Variants in NUP98 observed in about 807,000 individuals in gnomAD.
The protein encoded by NUP98 is nucleoporin 98 and 96 precursor, also known as nuclear pore complex protein Nup98-Nup96.
Under a neutral mutation model 191.9 loss-of-function variants are expected in NUP98, and 26 were observed. That is an observed-to-expected ratio of 0.14 (90% CI 0.10 to 0.19). The LOEUF is 0.19. Among genes scored for constraint, NUP98 ranks in the 10% least tolerant of loss-of-function variants. The probability of loss-of-function intolerance (pLI) is 1.00; values close to 1 mark genes in which losing one functional copy is unlikely to be tolerated. For missense variants in NUP98, 1,941 were observed against 2,178.8 expected (o/e 0.89, Z 2.17); for synonymous variants, 808 against 778.4 (o/e 1.04, Z -0.63).
chr11:3,703,948 A>G (rs1037184449), intron 22 of NUP98, among the ~76,000 whole-genome samples: 2 of 152,128 alleles, frequency 1.3e-5, no homozygotes, highest in African/African-American at 4.8e-5. Flanking sequence ...TCAGTCTCCT[A>G]AAGTGCTATG....
intron 10 of NUP98, among the ~76,000 whole-genome samples, chr11:3,757,201 A>G (rs1414867152): frequency 6.9e-6 from 1 of 145,668 alleles, no homozygotes; most frequent in Non-Finnish European, 1.5e-5. Flanking sequence ...TCAGATAAAA[A>G]TAACGGGCTG....
chr11:3,712,927 C>G (rs1358806572), intron 19 of NUP98, among the ~76,000 whole-genome samples, 199 bp from the exon 20 acceptor site: 1 of 152,132 alleles, frequency 6.6e-6, no homozygotes, highest in Non-Finnish European at 1.5e-5. Flanking sequence ...GTTGCTCATA[C>G]TAGTAAATTA....
At chr11:3,765,599 A>C (rs1385709298) in intron 8 of NUP98, among the ~76,000 whole-genome samples, 2 of 152,078 alleles carry the variant, frequency 1.3e-5, no homozygotes, top group African/African-American at 2.4e-5. Flanking sequence ...CAGGTGTTCA[A>C]GATCAGCCTG....
chr11:3,736,099 T>TGTGTGTGTG (rs1554894363), intron 12 of NUP98, among the ~76,000 whole-genome samples: 1 of 114,612 alleles, frequency 8.7e-6, no homozygotes, highest in African/African-American at 3.1e-5. Flanking sequence ...TGTGTGTGTG[T>TGTGTGTGTG]TTTGTTTTTT....
In NUP98 at chr11:3,723,163, G is replaced by A. The variant is rs767203164; in HGVS notation, c.2140C>T (p.Pro714Ser). The change falls in exon 16 of 33, where the codon CCA becomes TCA. Residue 714 changes from proline to serine, a missense_variant. By Grantham distance (74) the Pro-to-Ser change is moderately conservative. Coordinates refer to ENST00000324932, the MANE Select transcript of NUP98 (RefSeq NM_016320.5). ...EIENNSYHMH[P>S]AGIILTKVGY... ...GCACCAATCTGAACCTGACCTGCTG[G>A]GTGCATATGGTAAGAATTATTTTCT... is the stretch of plus-strand genomic sequence containing the variant. The A allele has an allele frequency of 3.7e-6, 6 of 1,613,596 alleles. No individual in the cohort carries two copies. The South Asian group carries it at 5.5e-5, about 15-fold the overall frequency.
At chr11:3,677,655 C>A (rs918980503) in intron 31 of NUP98, among the ~76,000 whole-genome samples, 3 of 152,132 alleles carry the variant, frequency 2.0e-5, no homozygotes, top group Non-Finnish European at 4.4e-5. Flanking sequence ...GGGCAGAACA[C>A]ATACTGTTTA....
chr11:3,724,188 T>C (rs1013966120), intron 15 of NUP98, among the ~76,000 whole-genome samples: 4 of 152,012 alleles, frequency 2.6e-5, no homozygotes, highest in African/African-American at 9.7e-5. Flanking sequence ...TCCCAGCACT[T>C]TGTGAGGCCG....
rs533714634 is a variant in NUP98, at chr11:3,685,452, C to A, written c.4676+521G>T. Among the ~76,000 whole-genome samples the A allele has an allele frequency of 2.1e-3, 321 of 152,342 alleles. 2 individuals carry two copies. Among genetic ancestry groups the A allele is most frequent in the Middle Eastern group, 6.8e-3 (2 of 294 alleles). On this transcript the variant is annotated intron_variant, in intron 29 of 32. Transcript: ENST00000324932. ...CCCTGCCGTGGAGTCACTGAGGCAG[C>A]TCAGACAGCACTATTTCTGTGTAAT...
At position 3,744,516 on chromosome 11, in the gene NUP98, G is replaced by A. The variant is rs759550068; in HGVS notation, c.1401C>T (p.Ala467=). 5.0e-6 allele frequency: 8 copies of A among 1,611,506 alleles called. No individual in the cohort carries two copies. The highest frequency in any genetic ancestry group is 6.8e-6 in the Non-Finnish European group (8 of 1,179,148). ...TATLGFGAPQ[A]PVALTDPNAS... The stretch of plus-strand genomic sequence containing the variant: ...AAAGTGACTGACACTTACCTACTGG[G>A]GCCTGGGGGGCTCCAAAGCCCAAAG... Residue 467 remains alanine (A), a synonymous_variant, in exon 12 of 33, where the codon GCC becomes GCT. Coordinates refer to ENST00000324932, the MANE Select transcript of NUP98 (RefSeq NM_016320.5).
chr11:3,786,955 C>G, intron 1 of NUP98, among the ~76,000 whole-genome samples: 1 of 152,178 alleles, frequency 6.6e-6, no homozygotes, highest in South Asian at 2.1e-4. Context: ...AGCCAGCAAA[C>G]AGCAAAAACA....
intron 20 of NUP98, chr11:3,711,800 C>T (rs904027470): frequency 2.6e-5 from 26 of 986,244 alleles, no homozygotes; most frequent in East Asian, 1.2e-4. Flanking sequence ...CTCCCCTGTA[C>T]GCGCAAACAT....
intron 11 of NUP98, 134 bp from the exon 12 acceptor site, chr11:3,744,783 GGTAA>G (rs916830353): frequency 1.9e-5 from 18 of 941,526 alleles, no homozygotes; most frequent in Non-Finnish European, 2.7e-5. Flanking sequence ...GGGTGAATAC[GGTAA>G]GTGTTACTGC....
At chr11:3,708,525 A>G (rs1332599191) in intron 20 of NUP98, among the ~76,000 whole-genome samples, 2 of 152,188 alleles carry the variant, frequency 1.3e-5, no homozygotes, top group East Asian at 1.9e-4. Flanking sequence ...GTAAGATATC[A>G]TCTAATAAGT....
In NUP98 at chr11:3,731,374, AAC is replaced by A. The variant is rs1220959823; in HGVS notation, c.1730+15_1730+16del. ...CAGTATTTTACACTTAATTTCTGTT[AAC>A]AAAAATAAACTCACTTGGGCATGAA... On this transcript the variant is annotated intron_variant, in intron 14 of 32. Transcript: ENST00000324932. The A allele has an allele frequency of 8.7e-6, 13 of 1,490,886 alleles. No homozygotes were observed. Among genetic ancestry groups the A allele is most frequent in the Non-Finnish European group, 1.2e-5 (13 of 1,114,068 alleles). The allele number at this position is 1,490,886 out of a possible 1,614,324, so 92.4% of individuals were successfully genotyped here. A position where few individuals can be genotyped will look rare whatever the true frequency, so the allele number is the denominator to read the frequency against.
chr11:3,751,438 C>T (rs1278219304), intron 11 of NUP98, among the ~76,000 whole-genome samples: 2 of 152,084 alleles, frequency 1.3e-5, no homozygotes, highest in African/African-American at 4.8e-5. Context: ...GTAAACATGT[C>T]CGAAAAATGC....
intron 11 of NUP98, among the ~76,000 whole-genome samples, chr11:3,745,270 T>C (rs1481340108): frequency 2.0e-5 from 3 of 152,324 alleles, no homozygotes; most frequent in East Asian, 1.9e-4. Context: ...ATCCAACATA[T>C]CGTCTTTCAC....
chr11:3,785,016 C>T (rs56702085), intron 1 of NUP98, among the ~76,000 whole-genome samples: 10,975 of 151,624 alleles, frequency 0.072, 423 homozygotes, highest in Middle Eastern at 0.1. Flanking sequence ...CAGGCGCCTG[C>T]CGTCCCAGCT....
At chr11:3,697,992 G>A (rs1483814124) in intron 25 of NUP98, among the ~76,000 whole-genome samples, 3 of 151,968 alleles carry the variant, frequency 2.0e-5, no homozygotes, top group African/African-American at 4.8e-5. Flanking sequence ...ATATTTATTT[G>A]AATGAATTGA....
chr11:3,746,204 G>A (rs537924043), intron 11 of NUP98, among the ~76,000 whole-genome samples: 2 of 148,848 alleles, frequency 1.3e-5, no homozygotes, highest in South Asian at 2.1e-4. Flanking sequence ...GGGAGGTGGA[G>A]GTTGCGGTGA....
Sources: gnomAD v4.1 joint callset for allele counts (sites outside exome capture counted in the v4.1 genomes callset) on GRCh38, gnomAD v4.1.1 for gene constraint, MANE v1.5 for transcripts, NCBI Gene and HGNC (gene_info 2026-07-23, HGNC 2026-07-21) for gene names.